Variants in ZDHHC3 observed in about 807,000 individuals in gnomAD.
ZDHHC3 encodes palmitoyltransferase ZDHHC3.
Under a neutral mutation model 30.6 loss-of-function variants are expected in ZDHHC3, and 9 were observed. That is an observed-to-expected ratio of 0.29 (90% confidence interval 0.18 to 0.51). ZDHHC3 has a LOEUF of 0.51. Ranked by LOEUF, ZDHHC3 falls within the 20% of genes least tolerant of loss-of-function variation. ZDHHC3 has a pLI of 0.97. For synonymous variants in ZDHHC3, 136 were observed against 140.2 expected (o/e 0.97, Z 0.21); for missense variants, 246 against 384.2 (o/e 0.64, Z 3.01).
At chr3:44,952,776 A>C (rs1703580719) in intron 2 of ZDHHC3, among the ~76,000 whole-genome samples, 1 of 152,232 alleles carries the variant, frequency 6.6e-6, no homozygotes, top group Admixed American at 6.5e-5. Flanking sequence ...AAATGCACCC[A>C]GGGATCACCT....
rs922902840 is a variant in ZDHHC3 at position 44,922,236 on chromosome 3, T to C, written c.*4453A>G. On this transcript the variant is annotated 3_prime_UTR_variant, in exon 7 of 7. Transcript: ENST00000424952. ...GAAACCCACACGTAGAAAGCAAAGG[T>C]CAAGACGTGTTCAGGTCATGTATCC... 1 of 985,236 alleles carries C rather than the reference T, an allele frequency of 1.0e-6. No homozygotes were observed. The highest frequency in any genetic ancestry group is 1.2e-6 in the Non-Finnish European group (1 of 829,920). 61.0% of individuals were successfully genotyped at this position (985,236 alleles called of 1,614,324 possible). A position where few individuals can be genotyped will look rare whatever the true frequency, so the allele number is the denominator to read the frequency against.
intron 1 of ZDHHC3, among the ~76,000 whole-genome samples, chr3:44,967,174 C>T (rs939166402): frequency 1.2e-4 from 18 of 152,228 alleles, no homozygotes; most frequent in Non-Finnish European, 1.9e-4. Context: ...AGGAAGTGGT[C>T]GGTAAACCGA....
At chr3:44,962,218 G>A (rs1014340317) in intron 1 of ZDHHC3, among the ~76,000 whole-genome samples, 3 of 152,084 alleles carry the variant, frequency 2.0e-5, no homozygotes, top group Non-Finnish European at 4.4e-5. Flanking sequence ...AAATTTTAGA[G>A]CAATTCTCCT....
Position 44,959,688 on chromosome 3 carries a change from T to C in ZDHHC3, c.-24-228A>G, listed in dbSNP as rs995444016. Among the ~76,000 whole-genome samples the C allele has an allele frequency of 1.3e-5, 2 of 152,196 alleles. No homozygotes were observed. Among genetic ancestry groups the C allele is most frequent in the Non-Finnish European group, 2.9e-5 (2 of 68,028 alleles). ...CATGACAGATAATAAAAAGGGAGCC[T>C]CTAAAGGGTAAATGCCTTGCCCAAG... On this transcript the variant is annotated intron_variant, in intron 1 of 6. Coordinates refer to ENST00000424952, the MANE Select transcript of ZDHHC3 (RefSeq NM_001135179.2). This position sits in a 1 kb window ranked among gnomAD's most constrained non-coding sequence, Gnocchi z 4.3.
At chr3:44,970,008 C>T (rs1705281036) in intron 1 of ZDHHC3, 1 of 152,210 alleles carries the variant, frequency 6.6e-6, no homozygotes, top group African/African-American at 2.4e-5. Flanking sequence ...GCCACACAGC[C>T]ACTGTGACAT....
chr3:44,955,679 T>C (rs1259535199), intron 2 of ZDHHC3, among the ~76,000 whole-genome samples: 1 of 152,100 alleles, frequency 6.6e-6, no homozygotes, highest in Non-Finnish European at 1.5e-5. Context: ...GCAATATTAA[T>C]AAGGAACCCC....
chr3:44,959,157 G>T lies in ZDHHC3; in HGVS notation c.280C>A (p.His94Asn). 1 of 1,614,228 alleles carries T rather than the reference G, an allele frequency of 6.2e-7. No homozygotes were observed. The highest frequency in any genetic ancestry group is 2.2e-5 in the East Asian group (1 of 44,884). ...GGGTCCGTCAGCATGGCCCGGCAGT[G>T]GGAGGCCAGGGCCAAGAAGGCCAGC... The part of the protein sequence containing the change: ...NLLAFLALAS[H>N]CRAMLTDPGA... Residue 94 changes from histidine to asparagine, a missense_variant, in exon 2 of 7, where the codon CAC (histidine) becomes AAC (asparagine). Transcript: ENST00000424952. This position sits in a 1 kb window ranked among gnomAD's most constrained non-coding sequence, Gnocchi z 4.3.
chr3:44,955,054 G>C (rs562715576), intron 2 of ZDHHC3, among the ~76,000 whole-genome samples: 6 of 152,196 alleles, frequency 3.9e-5, no homozygotes, highest in Non-Finnish European at 8.8e-5. Flanking sequence ...CACAACCTCA[G>C]AGTGGGCAAG....
chr3:44,943,596 A>T (rs1275030910), intron 3 of ZDHHC3, among the ~76,000 whole-genome samples: 9 of 152,216 alleles, frequency 5.9e-5, no homozygotes, highest in Admixed American at 5.9e-4. Flanking sequence ...CCTGACAAGG[A>T]AGATGTCCAA....
Position 44,920,131 on chromosome 3 carries a change from T to A in ZDHHC3, c.*6558A>T. 8.0e-7 allele frequency: 1 copy of A among 1,247,470 alleles called. No homozygotes were observed. Among genetic ancestry groups the A allele is most frequent in the Non-Finnish European group, 1.0e-6 (1 of 962,224 alleles). 77.3% of individuals were successfully genotyped at this position (1,247,470 alleles called of 1,614,324 possible). A position where few individuals can be genotyped will look rare whatever the true frequency, so the allele number is the denominator to read the frequency against. On this transcript the variant is annotated 3_prime_UTR_variant, in exon 7 of 7. Coordinates refer to ENST00000424952, the MANE Select transcript of ZDHHC3 (RefSeq NM_001135179.2). ...TACCAATGAGCCAATGTTACTTTTA[T>A]AATCAGAACAAAAATAGTTGTTTCA...
intron 5 of ZDHHC3, among the ~76,000 whole-genome samples, chr3:44,930,887 T>G (rs1252341071): frequency 6.6e-6 from 1 of 152,152 alleles, no homozygotes; most frequent in East Asian, 1.9e-4. Flanking sequence ...TGAGAGGCTC[T>G]GACATCTGGC....
intron 1 of ZDHHC3, 131 bp downstream of exon 1, chr3:44,975,802 A>ACG (rs1233507055): frequency 6.2e-6 from 1 of 161,490 alleles, no homozygotes; most frequent in East Asian, 1.8e-4. Flanking sequence ...ACACACACAC[A>ACG]CACGCTCCTA....
At chr3:44,928,471 T>G (rs1281952891) in intron 6 of ZDHHC3, among the ~76,000 whole-genome samples, 1 of 152,096 alleles carries the variant, frequency 6.6e-6, no homozygotes, top group Admixed American at 6.5e-5. Context: ...GACCCTGAGG[T>G]GGCCTCAGGA....
At chr3:44,971,783 T>C (rs1705427018) in intron 1 of ZDHHC3, among the ~76,000 whole-genome samples, 1 of 152,254 alleles carries the variant, frequency 6.6e-6, no homozygotes. Flanking sequence ...CTAGCAATTT[T>C]TCTATCACTG....
intron 5 of ZDHHC3, among the ~76,000 whole-genome samples, chr3:44,930,683 A>G (rs1377889624): frequency 6.6e-6 from 1 of 152,256 alleles, no homozygotes; most frequent in African/African-American, 2.4e-5. Context: ...CATGTGGGTG[A>G]CAGGTAAGAA....
chr3:44,962,847 C>T (rs936815891), intron 1 of ZDHHC3, among the ~76,000 whole-genome samples: 1 of 152,162 alleles, frequency 6.6e-6, no homozygotes, highest in Non-Finnish European at 1.5e-5. Flanking sequence ...TTTACTACTG[C>T]TAATTGGCTG....
intron 5 of ZDHHC3, 25 bp downstream of exon 5, chr3:44,933,093 G>C: frequency 6.2e-7 from 1 of 1,613,930 alleles, no homozygotes; most frequent in Non-Finnish European, 8.5e-7. Flanking sequence ...CTGGAGCAGG[G>C]AGGAAAGCCT....
At chr3:44,969,664 T>G (rs931679636) in intron 1 of ZDHHC3, 5 of 152,202 alleles carry the variant, frequency 3.3e-5, no homozygotes, top group African/African-American at 1.2e-4. Flanking sequence ...TCGAGTGGGC[T>G]GCATGCAGTG....
rs1323599346 is a variant in ZDHHC3 at position 44,920,094 on chromosome 3, C to A, written c.*6595G>T. ...TATTTATTTCTGTAGACTTCTCACA[C>A]AATCCAAGTTTTACCAATGAGCCAA... On this transcript the variant is annotated 3_prime_UTR_variant, in exon 7 of 7. Transcript: ENST00000424952. 29 of 1,204,404 alleles carry A rather than the reference C, an allele frequency of 2.4e-5. No individual in the cohort carries two copies. Among genetic ancestry groups the A allele is most frequent in the Non-Finnish European group, 2.5e-5 (24 of 944,692 alleles). 74.6% of individuals were successfully genotyped at this position (1,204,404 alleles called of 1,614,324 possible). A position where few individuals can be genotyped will look rare whatever the true frequency, so the allele number is the denominator to read the frequency against.
Sources: gnomAD v4.1 joint callset for allele counts (sites outside exome capture counted in the v4.1 genomes callset) on GRCh38, gnomAD v4.1.1 for gene constraint, Gnocchi (gnomAD v3.1) non-coding constraint, MANE v1.5 for transcripts, NCBI Gene and HGNC (gene_info 2026-07-23, HGNC 2026-07-21) for gene names.